SMARCC1: variants seen among roughly 807,000 people sequenced by gnomAD.
SMARCC1 encodes the protein SWI/SNF related BAF chromatin remodeling complex subunit C1.
Under a neutral mutation model 147.4 loss-of-function variants are expected in SMARCC1, and 43 were observed. The observed-to-expected ratio is 0.29, with a 90% CI of 0.23 to 0.38. The LOEUF (loss-of-function observed/expected upper bound fraction) is 0.38, where lower values mean the gene tolerates loss of function less well. Ranked by LOEUF, SMARCC1 falls within the 10% of genes least tolerant of loss-of-function variation. SMARCC1 has a pLI of 1.00. For synonymous variants in SMARCC1, 495 were observed against 484.4 expected (o/e 1.02, Z -0.29); for missense variants, 1,119 against 1,381.1 (o/e 0.81, Z 3.01).
intron 21 of SMARCC1, among the ~76,000 whole-genome samples, chr3:47,656,942 A>G (rs905855210): frequency 3.3e-5 from 5 of 152,152 alleles, no homozygotes; most frequent in Non-Finnish European, 5.9e-5. Flanking sequence ...AACAACAACA[A>G]AAGTAAACAA....
chr3:47,747,440 AAAATATAAATAT>A (rs1222782989), intron 2 of SMARCC1, among the ~76,000 whole-genome samples: 11 of 120,858 alleles, frequency 9.1e-5, no homozygotes, highest in African/African-American at 2.7e-4. Flanking sequence ...TTGTCTCAAA[AAAATATAAATAT>A]AAATATAAAT....
At chr3:47,713,071 C>A (rs1162910602) in intron 8 of SMARCC1, among the ~76,000 whole-genome samples, 2 of 152,034 alleles carry the variant, frequency 1.3e-5, no homozygotes, top group African/African-American at 4.8e-5. Flanking sequence ...ACCTGTAATC[C>A]CAACACTTTG....
intron 2 of SMARCC1, among the ~76,000 whole-genome samples, chr3:47,754,206 TC>T (rs1043915367): frequency 2.2e-5 from 3 of 137,316 alleles, no homozygotes; most frequent in African/African-American, 5.1e-5. Flanking sequence ...TGAACTTTAC[TC>T]TTTTTTTTTT....
At chr3:47,611,706 G>C (rs1176638808) in intron 25 of SMARCC1, among the ~76,000 whole-genome samples, 4 of 152,102 alleles carry the variant, frequency 2.6e-5, no homozygotes, top group Non-Finnish European at 4.4e-5. Flanking sequence ...TAAAAATCTG[G>C]GCCTTTGGCA....
chr3:47,684,565 C>T (rs889594789), intron 14 of SMARCC1, among the ~76,000 whole-genome samples: 1 of 151,772 alleles, frequency 6.6e-6, no homozygotes, highest in East Asian at 1.9e-4. Context: ...CTCAACCTCC[C>T]AAGTAGATGG....
chr3:47,767,889 T>C (rs1241106249), intron 2 of SMARCC1, among the ~76,000 whole-genome samples: 1 of 151,676 alleles, frequency 6.6e-6, no homozygotes, highest in Non-Finnish European at 1.5e-5. Context: ...TTTTTTTTTT[T>C]TTAAGACAGA....
intron 4 of SMARCC1, 100 bp from the exon 5 acceptor site, chr3:47,736,226 C>A: frequency 6.3e-6 from 4 of 633,440 alleles, no homozygotes; most frequent in South Asian, 4.0e-5. Context: ...CCTTTTCTGC[C>A]ACAAAAAATA....
chr3:47,753,083 C>T (rs73831532), intron 2 of SMARCC1, among the ~76,000 whole-genome samples: 62 of 152,220 alleles, frequency 4.1e-4, no homozygotes, highest in African/African-American at 1.4e-3. Context: ...CTACGGCTCA[C>T]GCCTGTAATC....
chr3:47,741,578 C>G (rs2034510681), intron 3 of SMARCC1, among the ~76,000 whole-genome samples: 1 of 151,370 alleles, frequency 6.6e-6, no homozygotes, highest in Admixed American at 6.6e-5. Context: ...CCTTACTCCT[C>G]CAACTACTCA....
intron 12 of SMARCC1, among the ~76,000 whole-genome samples, chr3:47,690,626 C>A (rs535190780): frequency 1.3e-5 from 2 of 152,250 alleles, no homozygotes; most frequent in African/African-American, 4.8e-5. Flanking sequence ...GGACCCAAAT[C>A]GGGGTTCTGC....
chr3:47,775,940 G>A (rs565156644), intron 1 of SMARCC1, among the ~76,000 whole-genome samples: 16 of 152,158 alleles, frequency 1.1e-4, no homozygotes, highest in Admixed American at 7.9e-4. Context: ...TTGAGGTCAG[G>A]AGTTCAAGAC....
chr3:47,779,999 A>G (rs1203317724), intron 1 of SMARCC1, among the ~76,000 whole-genome samples: 1 of 152,164 alleles, frequency 6.6e-6, no homozygotes, highest in African/African-American at 2.4e-5. Context: ...ATATTACTAA[A>G]AATCTACAGT....
At chr3:47,620,233 C>T (rs915338773) in intron 25 of SMARCC1, among the ~76,000 whole-genome samples, 1 of 152,056 alleles carries the variant, frequency 6.6e-6, no homozygotes, top group Non-Finnish European at 1.5e-5. Context: ...GAGGCTGAGG[C>T]AGGCAGACTG....
At chr3:47,680,399 C>G in intron 15 of SMARCC1, 38 bp downstream of exon 15, 1 of 1,439,210 alleles carries the variant, frequency 6.9e-7, no homozygotes, top group Non-Finnish European at 9.8e-7. Flanking sequence ...CTACCGCACA[C>G]AGGCAAATAA....
intron 24 of SMARCC1, among the ~76,000 whole-genome samples, chr3:47,624,244 T>C (rs1213719965): frequency 6.6e-6 from 1 of 151,606 alleles, no homozygotes; most frequent in Non-Finnish European, 1.5e-5. Flanking sequence ...TGAGCCGAGA[T>C]CCCTCCACTG....
Position 47,774,964 on chromosome 3 carries a change from C to T in SMARCC1, c.196-2028G>A, listed in dbSNP as rs186614656. ...GGACTACAGAGGCGTGCCAACACAT[C>T]TGGCTGATTTTTAATTTTCTGTACA... On this transcript the variant is annotated intron_variant, in intron 1 of 27. Transcript: ENST00000254480. Among the ~76,000 whole-genome samples, 8 of 152,114 alleles carry T rather than the reference C, an allele frequency of 5.3e-5. No homozygotes were observed. The East Asian group carries it at 1.5e-3, about 29-fold the overall frequency.
chr3:47,677,661 G>T (rs2033591573), intron 16 of SMARCC1, among the ~76,000 whole-genome samples: 1 of 151,594 alleles, frequency 6.6e-6, no homozygotes, highest in African/African-American at 2.4e-5. Context: ...TCCTGCCTCA[G>T]CCTCCCCAAT....
chr3:47,622,942 C>G (rs2032755577), intron 24 of SMARCC1, among the ~76,000 whole-genome samples: 1 of 152,128 alleles, frequency 6.6e-6, no homozygotes, highest in African/African-American at 2.4e-5. Context: ...ATGCTTCCTG[C>G]CAACTCAACA....
chr3:47,763,869 A>G (rs1381591856), intron 2 of SMARCC1, among the ~76,000 whole-genome samples: 1 of 150,884 alleles, frequency 6.6e-6, no homozygotes, highest in Non-Finnish European at 1.5e-5. Flanking sequence ...ACAGGCATGC[A>G]CCACCACACC....
Sources: allele counts gnomAD v4.1 joint callset (sites outside exome capture counted in the v4.1 genomes callset), GRCh38; gene constraint gnomAD v4.1.1; transcripts MANE v1.5; gene names NCBI Gene and HGNC (gene_info 2026-07-23, HGNC 2026-07-21).